The following IQSEC1 variants were observed in gnomAD, a reference collection of about 807,000 sequenced individuals.
The protein encoded by IQSEC1 is IQ motif and SEC7 domain-containing protein 1.
Under a neutral mutation model 91.0 loss-of-function variants are expected in IQSEC1, and 31 were observed. That is an observed-to-expected ratio of 0.34 (90% CI 0.26 to 0.46). The LOEUF (loss-of-function observed/expected upper bound fraction) is 0.46, where lower values mean the gene tolerates loss of function less well. Ranked by LOEUF, IQSEC1 falls within the 20% of genes least tolerant of loss-of-function variation. IQSEC1 has a pLI of 1.00. For missense variants in IQSEC1, 1,388 were observed against 1,575.6 expected (o/e 0.88, Z 2.02); for synonymous variants, 699 against 662.6 (o/e 1.05, Z -0.84).
intron 2 of IQSEC1, among the ~76,000 whole-genome samples, chr3:13,105,831 C>G (rs1706143214): frequency 1.3e-5 from 2 of 152,180 alleles, no homozygotes; most frequent in South Asian, 4.1e-4. Flanking sequence ...GGGGAGGTGG[C>G]AAATCAGCCT....
At chr3:13,226,725 C>A (rs1466908292) in intron 1 of IQSEC1, among the ~76,000 whole-genome samples, 1 of 152,212 alleles carries the variant, frequency 6.6e-6, no homozygotes, top group Non-Finnish European at 1.5e-5. Flanking sequence ...GTCAACGCTT[C>A]CTGCATAATT....
chr3:13,096,845 C>A (rs1003136228), intron 2 of IQSEC1, among the ~76,000 whole-genome samples: 4 of 151,124 alleles, frequency 2.6e-5, no homozygotes, highest in Admixed American at 1.3e-4. Context: ...AAGGCCCTCT[C>A]CTAGGCCTTT....
intron 2 of IQSEC1, among the ~76,000 whole-genome samples, chr3:13,108,895 ATGGCCCC>A (rs1706196181): frequency 6.6e-6 from 1 of 152,280 alleles, no homozygotes; most frequent in African/African-American, 2.4e-5. Context: ...CCTGCAGGTC[ATGGCCCC>A]CGAGTGAAAC....
At chr3:13,120,161 G>T (rs1380431874) in intron 2 of IQSEC1, among the ~76,000 whole-genome samples, 1 of 152,214 alleles carries the variant, frequency 6.6e-6, no homozygotes, top group Non-Finnish European at 1.5e-5. Context: ...GAGCCAGAAC[G>T]CAGTCTGCAG....
intron 2 of IQSEC1, among the ~76,000 whole-genome samples, chr3:13,143,726 C>T (rs983282648): frequency 1.3e-5 from 2 of 152,188 alleles, no homozygotes; most frequent in Non-Finnish European, 2.9e-5. Flanking sequence ...GGTGCCGCCT[C>T]ATCACTTTTG....
Position 13,054,405 on chromosome 3 carries a change from T to G in IQSEC1, c.23+18587A>C, listed in dbSNP as rs2125071227. Among the ~76,000 whole-genome samples the G allele has an allele frequency of 3.3e-5, 5 of 152,300 alleles. No homozygotes were observed. In the Middle Eastern group the frequency reaches 0.017, roughly 518 times the overall value. ...GAAGCGAGGGCAAGGGAGGAAGCAG[T>G]GGGCACCCTTCTACCCTGTCCCCCA... is the stretch of plus-strand genomic sequence containing the variant. On this transcript the variant is annotated intron_variant, in intron 1 of 13. Coordinates refer to ENST00000613206, the MANE Select transcript of IQSEC1 (RefSeq NM_001134382.3).
In IQSEC1 at chr3:12,901,293, TGGTGGCCA is replaced by T. The variant is rs1694264815; in HGVS notation, c.3027_3034del (p.Gly1010ProfsTer180). On this transcript the variant is annotated frameshift_variant, in exon 14 of 14. Transcript: ENST00000613206. LOFTEE classifies it low-confidence loss of function (END_TRUNC). ...CGGCAGCCCCTCTGGGGGCCCCAGG[TGGTGGCCA>T]GCCACAGAGTGCTGCAAGTGAGGCA... 7.0e-7 allele frequency: 1 copy of T among 1,436,038 alleles called. No individual in the cohort carries two copies. Among genetic ancestry groups the T allele is most frequent in the Non-Finnish European group, 9.2e-7 (1 of 1,083,678 alleles). The allele number at this position is 1,436,038 out of a possible 1,614,324, so 89.0% of individuals were successfully genotyped here.
chr3:13,241,766 T>C (rs1002615378), intron 1 of IQSEC1, among the ~76,000 whole-genome samples: 3 of 152,152 alleles, frequency 2.0e-5, no homozygotes, highest in Non-Finnish European at 2.9e-5. Context: ...CAGAGGGGGA[T>C]AGCCCCGGGA....
rs750655631 is a variant in IQSEC1 at position 12,901,369 on chromosome 3, G to A, written c.2959C>T (p.Pro987Ser). ...RGKPPPQAHL[P>S]SAPALPPPHP... ...GGGGGTGGCAGGGCTGGGGCTGAGG[G>A]CAGGTGGGCCTGGGGAGGGGGCTTC... is the stretch of plus-strand genomic sequence containing the variant. The change falls in exon 14 of 14, where the codon CCC (proline) becomes TCC (serine). Residue 987 changes from proline to serine, a missense_variant. Around this residue, in one of 2 missense-constraint regions of IQSEC1, gnomAD observed 329 missense variants for 257.8 expected, o/e 1.28. Coordinates refer to ENST00000613206, the MANE Select transcript of IQSEC1 (RefSeq NM_001134382.3). 2.6e-6 allele frequency: 4 copies of A among 1,537,944 alleles called. No homozygotes were observed. The South Asian group carries it at 3.6e-5, about 14-fold the overall frequency.
At position 13,263,235 on chromosome 3, in the gene IQSEC1, C is replaced by T. The variant is rs549383029; in HGVS notation, c.272+19476G>A. On this transcript the variant is annotated intron_variant, in intron 1 of 15. Coordinates refer to the IQSEC1 transcript ENST00000648114. ...CCGCACTTCAGCCTAGGTGATAGAT[C>T]GAGACCCTGTCTCAAACAAAACAAA... Among the ~76,000 whole-genome samples the T allele has an allele frequency of 6.1e-5, 9 of 147,676 alleles. No individual in the cohort carries two copies. The South Asian group carries it at 1.3e-3, about 21-fold the overall frequency.
intron 1 of IQSEC1, among the ~76,000 whole-genome samples, chr3:13,047,860 T>A (rs1406725552): frequency 6.6e-6 from 1 of 152,112 alleles, no homozygotes; most frequent in Non-Finnish European, 1.5e-5. Context: ...TCGGGTATGT[T>A]TGACCTGAGC....
chr3:13,022,333 G>A lies in IQSEC1; in HGVS notation c.23+50659C>T, dbSNP rs576752799. On this transcript the variant is annotated intron_variant, in intron 1 of 13. Coordinates refer to ENST00000613206, the MANE Select transcript of IQSEC1 (RefSeq NM_001134382.3). Reference sequence around the variant, plus strand: ...CCCCACTATCCACCGGCCAGCCTCTGTGCCCTGGTCCTGTCTAGCTGCTCC... The same window carrying A: ...CCCCACTATCCACCGGCCAGCCTCTATGCCCTGGTCCTGTCTAGCTGCTCC... 454 of 1,194,010 alleles carry A rather than the reference G, an allele frequency of 3.8e-4. 3 individuals are homozygous for A. The East Asian group carries it at 0.015, about 40-fold the overall frequency. 74.0% of individuals were successfully genotyped at this position (1,194,010 alleles called of 1,614,324 possible).
chr3:13,160,599 G>T (rs539392966), intron 2 of IQSEC1, among the ~76,000 whole-genome samples: 1 of 152,254 alleles, frequency 6.6e-6, no homozygotes, highest in African/African-American at 2.4e-5. Context: ...GTGAGTGTTT[G>T]GTAAGGGGAG....
intron 1 of IQSEC1, among the ~76,000 whole-genome samples, chr3:13,070,543 G>T (rs546938401): frequency 6.6e-6 from 1 of 152,330 alleles, no homozygotes; most frequent in African/African-American, 2.4e-5. Flanking sequence ...TGGGCCTGCC[G>T]CGGGTTCTGG....
chr3:12,916,673 C>CA (rs1696123654), intron 6 of IQSEC1, among the ~76,000 whole-genome samples: 1 of 152,208 alleles, frequency 6.6e-6, no homozygotes, highest in Non-Finnish European at 1.5e-5. Context: ...ATTTGGGGAA[C>CA]TTATCCCATG....
intron 2 of IQSEC1, among the ~76,000 whole-genome samples, chr3:13,092,761 C>A (rs1486435977): frequency 6.6e-6 from 1 of 152,198 alleles, no homozygotes; most frequent in African/African-American, 2.4e-5. Flanking sequence ...AACATTCAGG[C>A]CCTGCGCTCT....
intron 2 of IQSEC1, among the ~76,000 whole-genome samples, chr3:13,091,890 A>C (rs1375882331): frequency 7.3e-6 from 1 of 136,926 alleles, no homozygotes; most frequent in Non-Finnish European, 1.6e-5. Context: ...GCTTCCTCCC[A>C]GGTCTCCTCT....
rs1695569465 is a variant in IQSEC1, at chr3:12,911,655, A to G, written c.2390T>C (p.Met797Thr). The change falls in exon 10 of 14, where the codon ATG (methionine) becomes ACG (threonine). Residue 797 changes from methionine (M) to threonine (T), a missense_variant. Met to Thr is a moderately conservative substitution (Grantham distance 81, BLOSUM62 -1). Coordinates refer to ENST00000613206, the MANE Select transcript of IQSEC1 (RefSeq NM_001134382.3). ...CTGGTTCTCGAAGAGCAGGACCTGC[A>G]TGCCGTACAAGGAGAAGGACTGTCG... ...SFRQSFSLYG[M>T]QVLLFENQYY... 1 of 1,613,920 alleles carries G rather than the reference A, an allele frequency of 6.2e-7. No individual in the cohort carries two copies. The highest frequency in any genetic ancestry group is 8.5e-7 in the Non-Finnish European group (1 of 1,179,906).
At position 13,209,749 on chromosome 3, in the gene IQSEC1, G is replaced by A. The variant is rs184237709; in HGVS notation, c.273-45616C>T. Among the ~76,000 whole-genome samples the A allele has an allele frequency of 4.4e-3, 675 of 152,362 alleles. 3 individuals carry two copies. Among genetic ancestry groups the A allele is most frequent in the African/African-American group, 0.015 (635 of 41,580 alleles). On this transcript the variant is annotated intron_variant, in intron 1 of 15. Coordinates refer to the IQSEC1 transcript ENST00000648114. ...CAGCTCCTTCCTCCCGAGAGCCTGA[G>A]CGTGAATAATCCACTGCATCCCAGG... is the stretch of plus-strand genomic sequence containing the variant.
Sources: allele counts gnomAD v4.1 joint callset (sites outside exome capture counted in the v4.1 genomes callset), GRCh38; gene constraint gnomAD v4.1.1; regional missense constraint gnomAD v4.1.1; transcripts MANE v1.5; gene names NCBI Gene and HGNC (gene_info 2026-07-23, HGNC 2026-07-21).